Variants in INTS2 observed in about 807,000 individuals in gnomAD.
The protein encoded by INTS2 is KIAA1287.
Under a neutral mutation model 139.6 loss-of-function variants are expected in INTS2, and 57 were observed. That is an observed-to-expected ratio of 0.41 (90% CI 0.33 to 0.51). The LOEUF is 0.51. Ranked by LOEUF, INTS2 falls within the 20% of genes least tolerant of loss-of-function variation. The probability of loss-of-function intolerance (pLI) is 0.28; values close to 1 mark genes in which losing one functional copy is unlikely to be tolerated. For missense variants in INTS2, 1,196 were observed against 1,436.7 expected, an observed-to-expected ratio of 0.83 and a Z score of 2.71; for synonymous variants, 473 against 493.4, an observed-to-expected ratio of 0.96 and a Z score of 0.55.
rs1487039806 is a variant in INTS2, at chr17:61,893,861, G to A, written c.1602C>T (p.Ser534=). Reference sequence around the variant, plus strand: ...ATCCAGTAATGTTGGCACTCAGGTTGCTGGTGACAGGGACCCGAACTGCAT... The same window carrying A: ...ATCCAGTAATGTTGGCACTCAGGTTACTGGTGACAGGGACCCGAACTGCAT... ...TAHAVRVPVT[S]NLSANITGFL... Residue 534 remains serine (S), a synonymous_variant, in exon 13 of 25, where the codon AGC becomes AGT. Coordinates refer to ENST00000251334, the MANE Select transcript of INTS2 (RefSeq NM_001351695.2). This position sits in a 1 kb window ranked among gnomAD's most constrained non-coding sequence, Gnocchi z 5.4. 2 of 1,580,982 alleles carry A rather than the reference G, an allele frequency of 1.3e-6. No homozygotes were observed. Among genetic ancestry groups the A allele is most frequent in the Admixed American group, 3.6e-5 (2 of 55,836 alleles).
At chr17:61,902,999 T>A (rs920201920) in intron 9 of INTS2, among the ~76,000 whole-genome samples, 4 of 151,030 alleles carry the variant, frequency 2.6e-5, no homozygotes, top group African/African-American at 7.3e-5. Flanking sequence ...ACCCCGTCTC[T>A]ACTAAAAATA....
rs778556122 is a variant in INTS2, at chr17:61,891,591, C to T, written c.1797G>A (p.Ala599=). 37 of 1,613,426 alleles carry T rather than the reference C, an allele frequency of 2.3e-5. No homozygotes were observed. Among genetic ancestry groups the T allele is most frequent in the Middle Eastern group, 1.7e-4 (1 of 6,058 alleles). The part of the protein sequence containing the change: ...DVYINSILTP[A]SKSNPEATNQ... ...TTGTGGCTTCTGGATTAGATTTCGACGCAGGAGTAAGTATAGAATTTATGT... is the reference window on the plus strand; with the variant it reads ...TTGTGGCTTCTGGATTAGATTTCGATGCAGGAGTAAGTATAGAATTTATGT... The change falls in exon 14 of 25, where the codon GCG becomes GCA. Residue 599 remains alanine (A), a synonymous_variant. Transcript: ENST00000251334.
At chr17:61,887,212 G>C (rs1478667898) in intron 15 of INTS2, among the ~76,000 whole-genome samples, 3 of 152,182 alleles carry the variant, frequency 2.0e-5, no homozygotes, top group Admixed American at 2.0e-4. Flanking sequence ...GCCAGGCAAA[G>C]TGGCTCACAC....
At position 61,876,471 on chromosome 17, in the gene INTS2, GT is replaced by G. The variant is rs200853044; in HGVS notation, c.2456+1415del. Among the ~76,000 whole-genome samples the G allele has an allele frequency of 1.3e-5, 2 of 150,338 alleles. No homozygotes were observed. Among genetic ancestry groups the G allele is most frequent in the African/African-American group, 2.4e-5 (1 of 40,928 alleles). ...AGAAAAAAAAAATAGTGTTTCTTTT[GT>G]TTTTTTTTGAGACAGGGTTTCAGTG... On this transcript the variant is annotated intron_variant, in intron 18 of 24. Transcript: ENST00000251334. This position sits in a 1 kb window ranked among gnomAD's most constrained non-coding sequence, Gnocchi z 4.1.
rs376005467 is a variant in INTS2, at chr17:61,876,226, C to T, written c.2457-1188G>A. On this transcript the variant is annotated intron_variant, in intron 18 of 24. Transcript: ENST00000251334. The surrounding 1 kb of genome is among the most constrained non-coding windows in gnomAD (Gnocchi z 4.1). Reference sequence around the variant, plus strand: ...AATGAACTAGAATTCCACACTTAGGCTAAATATCAGTCACATATGAGAATA... The same window carrying T: ...AATGAACTAGAATTCCACACTTAGGTTAAATATCAGTCACATATGAGAATA... Among the ~76,000 whole-genome samples, 11 of 152,112 alleles carry T rather than the reference C, an allele frequency of 7.2e-5. No homozygotes were observed. The highest frequency in any genetic ancestry group is 1.9e-4 in the African/African-American group (8 of 41,512).
At chr17:61,881,399 C>T (rs2079177537) in intron 16 of INTS2, among the ~76,000 whole-genome samples, 1 of 152,122 alleles carries the variant, frequency 6.6e-6, no homozygotes, top group Non-Finnish European at 1.5e-5. Flanking sequence ...GAGTTCAAGA[C>T]CAGCCTGGCC....
At chr17:61,891,212 T>G (rs2079289634) in intron 14 of INTS2, among the ~76,000 whole-genome samples, 1 of 151,696 alleles carries the variant, frequency 6.6e-6, no homozygotes, top group Non-Finnish European at 1.5e-5. Context: ...GGAGAATCAC[T>G]TGAACCCGGC....
At position 61,921,798 on chromosome 17, in the gene INTS2, GA is replaced by G; in HGVS notation, c.461del (p.Phe154SerfsTer33). 9 of 1,584,586 alleles carry G rather than the reference GA, an allele frequency of 5.7e-6. No homozygotes were observed. The highest frequency in any genetic ancestry group is 3.5e-5 in the South Asian group (3 of 86,482). ...GACTCTCAAAAAGTTCAGAAGACTT[GA>G]AAAAAAATTCTCCGTTGGACTCAGA... Reference protein sequence around the residue: ...KVSESNGEFFFKSSELFESPV... With the variant: ...KVSESNGEFFXKSSELFESPV... On this transcript the variant is annotated frameshift_variant, in exon 4 of 25. Transcript: ENST00000251334. LOFTEE classifies it high-confidence loss of function.
intron 8 of INTS2, 108 bp from the exon 9 acceptor site, chr17:61,904,693 G>T: frequency 1.1e-6 from 1 of 916,868 alleles, no homozygotes. Flanking sequence ...ATGGTATCTT[G>T]CTATTTATAA....
intron 5 of INTS2, among the ~76,000 whole-genome samples, chr17:61,917,840 T>C (rs949763490): frequency 1.3e-5 from 2 of 151,984 alleles, no homozygotes; most frequent in African/African-American, 4.8e-5. Context: ...TTGAATAATA[T>C]GTAAATAATG....
At chr17:61,922,611 T>A (rs77352102) in intron 3 of INTS2, among the ~76,000 whole-genome samples, 1 of 140,974 alleles carries the variant, frequency 7.1e-6, no homozygotes, top group Non-Finnish European at 1.5e-5. Flanking sequence ...CAAAATCTAC[T>A]AAGCTTTTTG....
Position 61,927,777 on chromosome 17 carries a change from C to G in INTS2, c.-142G>C. On this transcript the variant is annotated 5_prime_UTR_variant, in exon 1 of 25. Transcript: ENST00000251334. Reference sequence around the variant, plus strand: ...TAGGCGATATCCGGAACCCCAAACCCTAGTTGTGCCTCGAGTCGACTCGGA... The same window carrying G: ...TAGGCGATATCCGGAACCCCAAACCGTAGTTGTGCCTCGAGTCGACTCGGA... The G allele has an allele frequency of 6.3e-7, 1 of 1,586,006 alleles. No homozygotes were observed. The highest frequency in any genetic ancestry group is 8.6e-7 in the Non-Finnish European group (1 of 1,166,414).
At position 61,926,640 on chromosome 17, in the gene INTS2, G is replaced by A. The variant is rs2079717680; in HGVS notation, c.5C>T (p.Thr2Ile). The stretch of plus-strand genomic sequence containing the variant: ...GACAAACTGAAGACTTGTACATTCA[G>A]TCATTATTACTGTTTGTTGATCCTA... M[T>I]ECTSLQFVSP... The change falls in exon 2 of 25, where the codon ACT (threonine) becomes ATT (isoleucine). Residue 2 changes from threonine to isoleucine, a missense_variant. Physicochemically the swap from Thr to Ile is moderately conservative, Grantham distance 89. Coordinates refer to ENST00000251334, the MANE Select transcript of INTS2 (RefSeq NM_001351695.2). 1 of 1,606,996 alleles carries A rather than the reference G, an allele frequency of 6.2e-7. No individual in the cohort carries two copies. The highest frequency in any genetic ancestry group is 1.7e-5 in the Admixed American group (1 of 58,626).
chr17:61,905,563 T>TG (rs1744704224), intron 8 of INTS2, among the ~76,000 whole-genome samples: 1 of 152,226 alleles, frequency 6.6e-6, no homozygotes, highest in South Asian at 2.1e-4. Flanking sequence ...CTGACCTCAC[T>TG]GATCCACAAG....
In INTS2 at chr17:61,872,930, T is replaced by G. The variant is rs1372236565; in HGVS notation, c.2583-470A>C. 6.6e-6 allele frequency among the ~76,000 whole-genome samples: 1 copy of G among 152,170 alleles called. No individual in the cohort carries two copies. Among genetic ancestry groups the G allele is most frequent in the Non-Finnish European group, 1.5e-5 (1 of 68,016 alleles). On this transcript the variant is annotated intron_variant, in intron 19 of 24. Transcript: ENST00000251334. This position sits in a 1 kb window ranked among gnomAD's most constrained non-coding sequence, Gnocchi z 4.8. ...GGGAATCTATTTTCACCTATCAAAT[T>G]GGAAAACATTATATCAAATAGTGCA...
At chr17:61,916,515 T>C (rs1237069086) in intron 5 of INTS2, among the ~76,000 whole-genome samples, 1 of 152,160 alleles carries the variant, frequency 6.6e-6, no homozygotes, top group Admixed American at 6.5e-5. Flanking sequence ...AATCATCTGA[T>C]CTTCAACAAA....
chr17:61,915,377 T>TAAATAAATAAGC (rs1209206195), intron 5 of INTS2, among the ~76,000 whole-genome samples: 6 of 147,178 alleles, frequency 4.1e-5, no homozygotes, highest in African/African-American at 1.5e-4. Context: ...AATAAATAAA[T>TAAATAAATAAGC]AAGCCAGGTG....
intron 7 of INTS2, 111 bp from the exon 8 acceptor site, chr17:61,907,745 G>A (rs1485052666): frequency 2.6e-6 from 2 of 772,278 alleles, no homozygotes; most frequent in Non-Finnish European, 4.2e-6. Flanking sequence ...CCTATTTGAA[G>A]AGATTGTCGT....
intron 1 of INTS2, 119 bp from the exon 2 acceptor site, chr17:61,926,781 T>C: frequency 1.3e-6 from 1 of 778,844 alleles, no homozygotes; most frequent in Non-Finnish European, 2.2e-6. Flanking sequence ...TTGGCAATGT[T>C]CCTGGCACAA....
Sources: gnomAD v4.1 joint callset for allele counts (sites outside exome capture counted in the v4.1 genomes callset) on GRCh38, gnomAD v4.1.1 for gene constraint, Gnocchi (gnomAD v3.1) non-coding constraint, MANE v1.5 for transcripts, NCBI Gene and HGNC (gene_info 2026-07-23, HGNC 2026-07-21) for gene names.